KCNIP1: variants seen among roughly 807,000 people sequenced by gnomAD.
The protein encoded by KCNIP1 is A-type potassium channel modulatory protein KCNIP1.
A neutral mutation model predicts 33.0 loss-of-function variants in KCNIP1; 18 were observed. The observed-to-expected ratio is 0.55, with a 90% CI of 0.38 to 0.81. KCNIP1 has a LOEUF of 0.81. KCNIP1 is among the 30% of genes least tolerant of loss of function. The pLI is 0.00. For synonymous variants in KCNIP1, 93 were observed against 98.3 expected (o/e 0.95, Z 0.32); for missense variants, 238 against 271.6 (o/e 0.88, Z 0.87).
rs146025032 is a variant in KCNIP1 at position 170,679,941 on chromosome 5, G to A, written c.62-38817G>A. Among the ~76,000 whole-genome samples the A allele has an allele frequency of 1.9e-3, 285 of 152,042 alleles. 2 individuals carry two copies. The highest frequency in any genetic ancestry group is 4.2e-3 in the South Asian group (20 of 4,804). The stretch of plus-strand genomic sequence containing the variant: ...TATCCTTGTACATATATATTTGTGC[G>A]CATATGTAGGTATCCTTACAAGTGG... On this transcript the variant is annotated intron_variant, in intron 1 of 7. Coordinates refer to ENST00000328939, the MANE Select transcript of KCNIP1 (RefSeq NM_014592.4).
intron 1 of KCNIP1, among the ~76,000 whole-genome samples, chr5:170,392,980 A>G (rs1462863113): frequency 6.6e-6 from 1 of 152,224 alleles, no homozygotes; most frequent in East Asian, 1.9e-4. Context: ...CAATACATAC[A>G]CATACACATA....
intron 2 of KCNIP1, among the ~76,000 whole-genome samples, chr5:170,719,775 A>C (rs1763755200): frequency 6.6e-6 from 1 of 152,178 alleles, no homozygotes; most frequent in Admixed American, 6.5e-5. Context: ...CCAAGTGCCC[A>C]GTTTCCTACC....
chr5:170,502,713 C>G (rs576003777), upstream of KCNIP1, among the ~76,000 whole-genome samples: 1 of 152,204 alleles, frequency 6.6e-6, no homozygotes, highest in Admixed American at 6.5e-5. Flanking sequence ...ATTCTGTGAA[C>G]TGCTAGCATG....
chr5:170,401,781 T>C (rs1249641920), intron 1 of KCNIP1, among the ~76,000 whole-genome samples: 1 of 151,710 alleles, frequency 6.6e-6, no homozygotes, highest in Non-Finnish European at 1.5e-5. Flanking sequence ...AAATCCCTCA[T>C]AATTTACTGA....
At chr5:170,719,019 T>C (rs1047252169) in intron 2 of KCNIP1, 137 bp downstream of exon 2, 3 of 1,138,174 alleles carry the variant, frequency 2.6e-6, no homozygotes, top group Non-Finnish European at 3.7e-6. Context: ...AAAGGGGGCA[T>C]GAGAGGGAGA....
At chr5:170,662,800 T>C (rs1761551341) in intron 1 of KCNIP1, among the ~76,000 whole-genome samples, 1 of 152,208 alleles carries the variant, frequency 6.6e-6, no homozygotes, top group African/African-American at 2.4e-5. Flanking sequence ...CCAGAGAATC[T>C]TCCTCCACTC....
At chr5:170,462,077 C>A (rs552530732) in intron 1 of KCNIP1, among the ~76,000 whole-genome samples, 3 of 152,030 alleles carry the variant, frequency 2.0e-5, no homozygotes, top group East Asian at 1.9e-4. Context: ...AACCAAGAAC[C>A]AAAAGCAAAT....
chr5:170,629,054 C>T (rs981828272), intron 1 of KCNIP1, among the ~76,000 whole-genome samples: 7 of 152,318 alleles, frequency 4.6e-5, no homozygotes, highest in African/African-American at 9.6e-5. Context: ...TCTGTCCTCC[C>T]GCCCTCCACT....
chr5:170,354,897 C>T (rs1763304299), intron 1 of KCNIP1, among the ~76,000 whole-genome samples: 2 of 152,280 alleles, frequency 1.3e-5, no homozygotes, highest in South Asian at 4.1e-4. Flanking sequence ...CAGGAAGAGT[C>T]TTTGGGGGCT....
intron 1 of KCNIP1, among the ~76,000 whole-genome samples, chr5:170,428,321 G>A (rs945599681): frequency 3.3e-5 from 5 of 152,128 alleles, no homozygotes; most frequent in Admixed American, 1.3e-4. Context: ...GCCACAGTGC[G>A]AAAGATAGGA....
intron 1 of KCNIP1, among the ~76,000 whole-genome samples, chr5:170,575,353 C>A (rs1024610578): frequency 2.0e-5 from 3 of 152,160 alleles, no homozygotes; most frequent in Admixed American, 2.0e-4. Context: ...GCATATGTTA[C>A]TTAAGTTTAA....
intron 1 of KCNIP1, among the ~76,000 whole-genome samples, chr5:170,535,035 C>A (rs970980740): frequency 1.3e-5 from 2 of 152,178 alleles, no homozygotes; most frequent in Admixed American, 1.3e-4. Flanking sequence ...GCTAAATCCT[C>A]CCCATGGCTG....
At chr5:170,633,736 A>G (rs1474686870) in intron 1 of KCNIP1, among the ~76,000 whole-genome samples, 4 of 34,646 alleles carry the variant, frequency 1.2e-4, no homozygotes, top group South Asian at 1.8e-3. Context: ...GGGGGGACGG[A>G]GGGGGGGGCG....
chr5:170,642,881 C>T (rs1362145751), intron 1 of KCNIP1, among the ~76,000 whole-genome samples: 1 of 152,208 alleles, frequency 6.6e-6, no homozygotes, highest in African/African-American at 2.4e-5. Context: ...CTCCATTTTA[C>T]ACTGGAGGAA....
chr5:170,377,663 C>G (rs1764060861), intron 1 of KCNIP1: 1 of 152,060 alleles, frequency 6.6e-6, no homozygotes, highest in Non-Finnish European at 1.5e-5. Flanking sequence ...AGCTCCGAAC[C>G]CCGGGTTCAC....
chr5:170,573,576 T>G (rs1453585539), intron 1 of KCNIP1, among the ~76,000 whole-genome samples: 2 of 152,142 alleles, frequency 1.3e-5, no homozygotes, highest in Non-Finnish European at 2.9e-5. Context: ...GTGAACTAAA[T>G]CAGCTTCCAA....
chr5:170,512,767 C>T (rs937013810), intron 1 of KCNIP1, among the ~76,000 whole-genome samples: 6 of 151,774 alleles, frequency 4.0e-5, no homozygotes, highest in East Asian at 3.9e-4. Flanking sequence ...TACAGAGTCC[C>T]GGCCAGGCGC....
At chr5:170,436,260 G>T (rs774858952) in intron 1 of KCNIP1, among the ~76,000 whole-genome samples, 2 of 152,228 alleles carry the variant, frequency 1.3e-5, no homozygotes, top group Non-Finnish European at 2.9e-5. Context: ...GCCATTCGAG[G>T]TTATTAATTT....
intron 1 of KCNIP1, among the ~76,000 whole-genome samples, chr5:170,711,069 A>T (rs532680047): frequency 6.6e-6 from 1 of 152,216 alleles, no homozygotes; most frequent in African/African-American, 2.4e-5. Flanking sequence ...CAGGAAACAA[A>T]CCATCGTTAA....
Sources: allele counts gnomAD v4.1 joint callset (sites outside exome capture counted in the v4.1 genomes callset), GRCh38; gene constraint gnomAD v4.1.1; transcripts MANE v1.5; gene names NCBI Gene and HGNC (gene_info 2026-07-23, HGNC 2026-07-21).